The following COMTD1 variants were observed in gnomAD, a reference collection of about 807,000 sequenced individuals.
COMTD1 encodes catechol-O-methyltransferase domain containing 1.
A neutral mutation model predicts 33.6 loss-of-function variants in COMTD1; 35 were observed. That is an observed-to-expected ratio of 1.04 (90% CI 0.80 to 1.38). The LOEUF is 1.38. Ranked by LOEUF, COMTD1 falls within the 40% of genes most tolerant of loss-of-function variation. COMTD1 has a pLI of 0.00. For missense variants in COMTD1, 370 were observed against 363.4 expected, an observed-to-expected ratio of 1.02 and a Z score of -0.15; for synonymous variants, 160 against 176.8, an observed-to-expected ratio of 0.91 and a Z score of 0.75.
At chr10:75,234,398 G>A in intron 6 of COMTD1, 173 bp from the exon 7 acceptor site, 2 of 1,010,974 alleles carry the variant, frequency 2.0e-6, no homozygotes, top group Non-Finnish European at 2.8e-6. Flanking sequence ...GGGAGGCGGG[G>A]CCTCGGAGGG....
intron 1 of COMTD1, 27 bp downstream of exon 1, chr10:75,235,808 C>T: frequency 1.3e-6 from 2 of 1,540,376 alleles, no homozygotes; most frequent in Non-Finnish European, 1.7e-6. Context: ...CCCGCCCACC[C>T]GCCCGCCGGG....
At position 75,235,389 on chromosome 10, in the gene COMTD1, G is replaced by A. The variant is rs1842176752; in HGVS notation, c.223-17C>T. 2 of 1,525,192 alleles carry A rather than the reference G, an allele frequency of 1.3e-6. No homozygotes were observed. Among genetic ancestry groups the A allele is most frequent in the Admixed American group, 4.0e-5 (2 of 49,868 alleles). 94.5% of individuals were successfully genotyped at this position (1,525,192 alleles called of 1,614,324 possible). A position where few individuals can be genotyped will look rare whatever the true frequency, so the allele number is the denominator to read the frequency against. On this transcript the variant is annotated splice_polypyrimidine_tract_variant and intron_variant, in intron 2 of 6. Coordinates refer to ENST00000372538, the MANE Select transcript of COMTD1 (RefSeq NM_144589.4). ...CAGGGTCAGCTGCGTGAAAGGAGAG[G>A]GTGGCACCAGCCATGCAGGTCACCC...
In COMTD1 at chr10:75,234,067, C is replaced by A. The variant is rs367915917; in HGVS notation, c.*6G>T. The A allele has an allele frequency of 1.9e-6, 3 of 1,613,954 alleles. No homozygotes were observed. Among genetic ancestry groups the A allele is most frequent in the Non-Finnish European group, 2.5e-6 (3 of 1,180,026 alleles). On this transcript the variant is annotated 3_prime_UTR_variant, in exon 7 of 7. Coordinates refer to ENST00000372538, the MANE Select transcript of COMTD1 (RefSeq NM_144589.4). ...CTCCCTCGAGCCCACTCACTAGGGG[C>A]CAGCCCTAGATCTTGAAGGCCAAGG...
chr10:75,235,797 G>GGGCCCCCCCCCCCCCCC, intron 1 of COMTD1, 38 bp downstream of exon 1: 1 of 1,538,570 alleles, frequency 6.5e-7, no homozygotes, highest in Non-Finnish European at 8.8e-7. Context: ...CCTACTCTGC[G>GGGCCCCCCCCCCCCCCC]CCCGCCCACC....
rs1157132655 is a variant in COMTD1, at chr10:75,234,953, C to A, written c.487G>T (p.Ala163Ser). The A allele has an allele frequency of 1.3e-6, 2 of 1,526,694 alleles. No individual in the cohort carries two copies. The highest frequency in any genetic ancestry group is 2.5e-5 in the South Asian group (2 of 81,100). 94.6% of individuals were successfully genotyped at this position (1,526,694 alleles called of 1,614,324 possible). A position where few individuals can be genotyped will look rare whatever the true frequency, so the allele number is the denominator to read the frequency against. The change falls in exon 5 of 7, where the codon GCC becomes TCC. Residue 163 changes from alanine (A) to serine (S), a missense_variant. Coordinates refer to ENST00000372538, the MANE Select transcript of COMTD1 (RefSeq NM_144589.4). The part of the protein sequence containing the change: ...EHKIDLRLKP[A>S]LETLDELLAA... Reference sequence around the variant, plus strand: ...CGGTGCTCACCCAGGGTCTCCAAGGCGGGCTTCAGCCGGAGGTCGATCTTG... The same window carrying A: ...CGGTGCTCACCCAGGGTCTCCAAGGAGGGCTTCAGCCGGAGGTCGATCTTG...
intron 2 of COMTD1, 31 bp downstream of exon 2, chr10:75,235,585 G>C: frequency 1.3e-6 from 2 of 1,559,744 alleles, no homozygotes; most frequent in Non-Finnish European, 1.7e-6. Flanking sequence ...GGTCGAGAGG[G>C]ACGCCCGTTT....
rs1222281776 is a variant in COMTD1, at chr10:75,235,749, G to A, written c.95-6C>T. 1.9e-6 allele frequency: 3 copies of A among 1,597,246 alleles called. No homozygotes were observed. Among genetic ancestry groups the A allele is most frequent in the East Asian group, 2.3e-5 (1 of 43,974 alleles). On this transcript the variant is annotated splice_polypyrimidine_tract_variant and splice_region_variant and intron_variant, in intron 1 of 6. Coordinates refer to ENST00000372538, the MANE Select transcript of COMTD1 (RefSeq NM_144589.4). ...CCATGGGGGGCACCGCCTCCCTGACGGGGAGAGGGTGTTGGATTAACCTGA... is the reference window on the plus strand; with the variant it reads ...CCATGGGGGGCACCGCCTCCCTGACAGGGAGAGGGTGTTGGATTAACCTGA...
At position 75,235,177 on chromosome 10, in the gene COMTD1, G is replaced by A. The variant is rs1398130716; in HGVS notation, c.330C>T (p.Gly110=). The stretch of plus-strand genomic sequence containing the variant: ...CCAGGGCGGAGTAGCCCGTGAAGGT[G>A]CCTGGGACCAGGACACAGACGGGCT... ...LIQAKKALDL[G]TFTGYSALAL... The change falls in exon 4 of 7, where the codon GGC becomes GGT. Residue 110 remains glycine, a splice_region_variant and synonymous_variant. Transcript: ENST00000372538. 18 of 1,410,650 alleles carry A rather than the reference G, an allele frequency of 1.3e-5. No individual in the cohort carries two copies. Among genetic ancestry groups the A allele is most frequent in the South Asian group, 1.1e-4 (7 of 64,564 alleles). 87.4% of individuals were successfully genotyped at this position (1,410,650 alleles called of 1,614,324 possible). A position where few individuals can be genotyped will look rare whatever the true frequency, so the allele number is the denominator to read the frequency against.
intron 1 of COMTD1, 38 bp downstream of exon 1, chr10:75,235,797 G>GGGCCCCCCC: frequency 5.2e-6 from 8 of 1,538,572 alleles, no homozygotes; most frequent in South Asian, 2.4e-5. Context: ...CCTACTCTGC[G>GGGCCCCCCC]CCCGCCCACC....
In COMTD1 at chr10:75,235,945, G is replaced by T; in HGVS notation, c.-17C>A. ...CTGGGTCATGGCGCGGGCAGGAGGC[G>T]GCGGGAGGCAGTGACAGGTCACGTG... On this transcript the variant is annotated 5_prime_UTR_variant, in exon 1 of 7. Coordinates refer to ENST00000372538, the MANE Select transcript of COMTD1 (RefSeq NM_144589.4). The T allele has an allele frequency of 7.0e-7, 1 of 1,435,042 alleles. No individual in the cohort carries two copies. The highest frequency in any genetic ancestry group is 9.1e-7 in the Non-Finnish European group (1 of 1,103,912). 88.9% of individuals were successfully genotyped at this position (1,435,042 alleles called of 1,614,324 possible). A position where few individuals can be genotyped will look rare whatever the true frequency, so the allele number is the denominator to read the frequency against.
Position 75,235,947 on chromosome 10 carries a change from C to A in COMTD1, c.-19G>T. Reference sequence around the variant, plus strand: ...GGGTCATGGCGCGGGCAGGAGGCGGCGGGAGGCAGTGACAGGTCACGTGAG... The same window carrying A: ...GGGTCATGGCGCGGGCAGGAGGCGGAGGGAGGCAGTGACAGGTCACGTGAG... On this transcript the variant is annotated 5_prime_UTR_variant, in exon 1 of 7. Coordinates refer to ENST00000372538, the MANE Select transcript of COMTD1 (RefSeq NM_144589.4). The A allele has an allele frequency of 1.4e-6, 2 of 1,432,152 alleles. No individual in the cohort carries two copies. Among genetic ancestry groups the A allele is most frequent in the Middle Eastern group, 5.1e-4 (2 of 3,938 alleles). 88.7% of individuals were successfully genotyped at this position (1,432,152 alleles called of 1,614,324 possible). A position where few individuals can be genotyped will look rare whatever the true frequency, so the allele number is the denominator to read the frequency against.
At chr10:75,235,809 G>T in intron 1 of COMTD1, 26 bp downstream of exon 1, 1 of 570,122 alleles carries the variant, frequency 1.8e-6, no homozygotes. Context: ...CCGCCCACCC[G>T]CCCGCCGGGA....
intron 2 of COMTD1, 86 bp from the exon 3 acceptor site, chr10:75,235,458 G>T: frequency 1.5e-6 from 2 of 1,348,812 alleles, no homozygotes; most frequent in Non-Finnish European, 9.8e-7. Context: ...GCGGTTCTGG[G>T]CGTGGCCTGG....
chr10:75,235,449 C>T, intron 2 of COMTD1, 77 bp from the exon 3 acceptor site: 1 of 1,342,382 alleles, frequency 7.4e-7, no homozygotes, highest in Non-Finnish European at 9.9e-7. Flanking sequence ...CCCAGGGGCG[C>T]GGTTCTGGGC....
chr10:75,234,154 G>T lies in COMTD1; in HGVS notation c.708C>A (p.Asn236Lys), dbSNP rs146844912. ...DVAAECVRNL[N>K]ERIRRDVRVY... ...CCCTGACGTCCCGCCGGATGCGTTCGTTTAGGTTTCGCACACACTCGGCCG... is the reference window on the plus strand; with the variant it reads ...CCCTGACGTCCCGCCGGATGCGTTCTTTTAGGTTTCGCACACACTCGGCCG... Residue 236 changes from asparagine (N) to lysine (K), a missense_variant, in exon 7 of 7, where the codon AAC becomes AAA. By Grantham distance (94) the Asn-to-Lys change is moderately conservative. Coordinates refer to ENST00000372538, the MANE Select transcript of COMTD1 (RefSeq NM_144589.4). 1.0e-4 allele frequency: 167 copies of T among 1,613,738 alleles called. 1 individual carries two copies. The African/African-American group carries it at 2.0e-3, about 19-fold the overall frequency.
intron 1 of COMTD1, 40 bp from the exon 2 acceptor site, chr10:75,235,783 G>A (rs1342376585): frequency 1.3e-6 from 2 of 1,567,084 alleles, no homozygotes; most frequent in African/African-American, 1.4e-5. Context: ...GAGCCACGCC[G>A]CGCCCTACTC....
chr10:75,235,459 C>T (rs1356828245), intron 2 of COMTD1, 87 bp from the exon 3 acceptor site: 30 of 1,348,122 alleles, frequency 2.2e-5, no homozygotes, highest in Admixed American at 5.4e-5. Context: ...CGGTTCTGGG[C>T]GTGGCCTGGG....
Position 75,235,650 on chromosome 10 carries a change from A to T in COMTD1, c.188T>A (p.Met63Lys). ...RLWQYLLSRS[M>K]REHPALRSLR... is the part of the protein sequence containing the mutation. ...GCTTCGCAGCGCCGGGTGCTCCCGC[A>T]TGGAGCGGCTCAGAAGATACTGCCA... The change falls in exon 2 of 7, where the codon ATG becomes AAG. Residue 63 changes from methionine (M) to lysine (K), a missense_variant. By Grantham distance (95) the Met-to-Lys change is moderately conservative. Transcript: ENST00000372538. The T allele has an allele frequency of 6.3e-7, 1 of 1,596,630 alleles. No homozygotes were observed. The highest frequency in any genetic ancestry group is 8.5e-7 in the Non-Finnish European group (1 of 1,173,248).
At position 75,235,335 on chromosome 10, in the gene COMTD1, G is replaced by T; in HGVS notation, c.260C>A (p.Thr87Asn). Residue 87 changes from threonine (T) to asparagine (N), a missense_variant, in exon 3 of 7, where the codon ACC (threonine) becomes AAC (asparagine). Coordinates refer to ENST00000372538, the MANE Select transcript of COMTD1 (RefSeq NM_144589.4). The stretch of plus-strand genomic sequence containing the variant: ...GGCCAAGAGCTGGGCCTGCTCGCAG[G>T]TCATCATAGAATCCCCCTGCGGCTG... ...LEQPQGDSMM[T>N]CEQAQLLANL... 1 of 1,593,840 alleles carries T rather than the reference G, an allele frequency of 6.3e-7. No individual in the cohort carries two copies.
Sources: gnomAD v4.1 joint callset for allele counts on GRCh38, gnomAD v4.1.1 for gene constraint, MANE v1.5 for transcripts, NCBI Gene and HGNC (gene_info 2026-07-23, HGNC 2026-07-21) for gene names.